Variants in GALNT13 observed in about 807,000 individuals in gnomAD.
GALNT13 encodes the protein polypeptide N-acetylgalactosaminyltransferase 13.
A neutral mutation model predicts 64.2 loss-of-function variants in GALNT13; 28 were observed. That is an observed-to-expected ratio of 0.44 (90% CI 0.32 to 0.60). The LOEUF is 0.60. GALNT13 is among the 20% of genes least tolerant of loss of function. GALNT13 has a pLI of 0.05. For synonymous variants in GALNT13, 214 were observed against 224.6 expected (o/e 0.95, Z 0.42); for missense variants, 577 against 669.8 (o/e 0.86, Z 1.53).
chr2:153,701,377 A>C, the GALNT13 span, among the ~76,000 whole-genome samples: 1 of 152,258 alleles, frequency 6.6e-6, no homozygotes, highest in South Asian at 2.1e-4. Flanking sequence ...TGTAAAGCCC[A>C]AAACCATAAA....
At chr2:154,256,235 C>A (rs1690365057) in intron 7 of GALNT13, among the ~76,000 whole-genome samples, 1 of 149,806 alleles carries the variant, frequency 6.7e-6, no homozygotes, top group Non-Finnish European at 1.5e-5. Context: ...AAGGTAGATT[C>A]ACCCAAGCAC....
chr2:154,289,488 A>T (rs1226410572), intron 8 of GALNT13, among the ~76,000 whole-genome samples: 10 of 152,194 alleles, frequency 6.6e-5, no homozygotes, highest in Admixed American at 6.5e-4. Flanking sequence ...ACAAAGCAGC[A>T]GGCAAGACAG....
the GALNT13 span, among the ~76,000 whole-genome samples, chr2:153,069,609 A>G: frequency 6.6e-6 from 1 of 152,206 alleles, no homozygotes; most frequent in African/African-American, 2.4e-5. Context: ...TCACAGAGCT[A>G]TTAAATGGCT....
intron 3 of GALNT13, among the ~76,000 whole-genome samples, chr2:153,949,421 A>T (rs1692007178): frequency 6.6e-6 from 1 of 151,954 alleles, no homozygotes; most frequent in Non-Finnish European, 1.5e-5. Context: ...TGTGCCTGTA[A>T]TCCCAGGTAC....
At chr2:154,317,091 T>A (rs1462801817) in intron 9 of GALNT13, among the ~76,000 whole-genome samples, 1 of 151,966 alleles carries the variant, frequency 6.6e-6, no homozygotes, top group Non-Finnish European at 1.5e-5. Flanking sequence ...TATGCACCTG[T>A]AGTCCCAGCT....
intron 12 of GALNT13, among the ~76,000 whole-genome samples, chr2:154,445,515 T>C (rs922099451): frequency 3.3e-5 from 5 of 151,834 alleles, no homozygotes; most frequent in African/African-American, 1.2e-4. Context: ...AAAATTCATG[T>C]TTGGTTTAAA....
the GALNT13 span, among the ~76,000 whole-genome samples, chr2:153,305,877 T>C: frequency 6.6e-6 from 1 of 152,226 alleles, no homozygotes; most frequent in Admixed American, 6.5e-5. Flanking sequence ...AAAGGAATTT[T>C]AGCCACCAGG....
intron 3 of GALNT13, among the ~76,000 whole-genome samples, chr2:154,070,324 A>G (rs1236381879): frequency 2.0e-5 from 3 of 152,178 alleles, no homozygotes; most frequent in Non-Finnish European, 4.4e-5. Context: ...TAAAATTTCT[A>G]TAGTTCCACA....
At chr2:153,524,538 C>G in the GALNT13 span, among the ~76,000 whole-genome samples, 1 of 152,112 alleles carries the variant, frequency 6.6e-6, no homozygotes, top group Admixed American at 6.5e-5. Context: ...GCCAATGCCA[C>G]ACCTCCCCCA....
the GALNT13 span, among the ~76,000 whole-genome samples, chr2:153,750,128 C>G: frequency 6.6e-6 from 1 of 151,884 alleles, no homozygotes; most frequent in South Asian, 2.1e-4. Context: ...ATGTATCACA[C>G]TGATTAATTT....
chr2:154,245,125 A>G (rs1689709883), intron 6 of GALNT13, among the ~76,000 whole-genome samples: 1 of 151,046 alleles, frequency 6.6e-6, no homozygotes, highest in Non-Finnish European at 1.5e-5. Flanking sequence ...ATAAATAAAT[A>G]AATAAATAAA....
chr2:153,907,369 C>T (rs1688643965), intron 2 of GALNT13, among the ~76,000 whole-genome samples: 2 of 151,632 alleles, frequency 1.3e-5, no homozygotes, highest in South Asian at 2.1e-4. Flanking sequence ...CATATAATTA[C>T]ATACATAATA....
chr2:153,726,939 C>CA, the GALNT13 span, among the ~76,000 whole-genome samples: 2,426 of 49,728 alleles, frequency 0.049, 51 homozygotes, highest in African/African-American at 0.096. Context: ...GACTCCATCT[C>CA]AAAAAAAAAA....
chr2:153,460,578 ATTAAG>A, the GALNT13 span, among the ~76,000 whole-genome samples: 1 of 152,186 alleles, frequency 6.6e-6, no homozygotes, highest in African/African-American at 2.4e-5. Flanking sequence ...AAGTAATATT[ATTAAG>A]TTATGAGTTA....
intron 1 of GALNT13, among the ~76,000 whole-genome samples, chr2:153,877,642 T>C (rs1158752205): frequency 7.7e-6 from 1 of 129,070 alleles, no homozygotes; most frequent in African/African-American, 3.6e-5. Flanking sequence ...CTCTTGAGAT[T>C]ATTATTATAT....
intron 4 of GALNT13, among the ~76,000 whole-genome samples, chr2:154,162,708 A>G (rs1359070934): frequency 6.6e-6 from 1 of 152,220 alleles, no homozygotes; most frequent in African/African-American, 2.4e-5. Context: ...TAAGATTTTT[A>G]TTCTCACTGT....
At chr2:153,886,319 G>A (rs1196063302) in intron 1 of GALNT13, among the ~76,000 whole-genome samples, 1 of 151,578 alleles carries the variant, frequency 6.6e-6, no homozygotes, top group East Asian at 1.9e-4. Context: ...CCATTAACTT[G>A]TCATTTAACA....
chr2:153,491,172 A>G, the GALNT13 span, among the ~76,000 whole-genome samples: 3 of 152,112 alleles, frequency 2.0e-5, no homozygotes, highest in Non-Finnish European at 4.4e-5. Flanking sequence ...TCATTCAAAC[A>G]CAACAATAAT....
chr2:153,249,352 A>T, the GALNT13 span, among the ~76,000 whole-genome samples: 2 of 152,200 alleles, frequency 1.3e-5, no homozygotes, highest in Admixed American at 6.6e-5. Flanking sequence ...GAGAACTACA[A>T]ATCACTGCTC....
Sources: gnomAD v4.1 joint callset for allele counts (sites outside exome capture counted in the v4.1 genomes callset) on GRCh38, gnomAD v4.1.1 for gene constraint, MANE v1.5 for transcripts, NCBI Gene and HGNC (gene_info 2026-07-23, HGNC 2026-07-21) for gene names.